The following CNTN5 variants were observed in gnomAD, a reference collection of about 807,000 sequenced individuals.
The protein encoded by CNTN5 is contactin-5.
CNTN5 carries 77 observed loss-of-function variants against 129.1 expected under a neutral mutation model. The observed-to-expected ratio is 0.60, with a 90% confidence interval of 0.50 to 0.72. CNTN5 has a LOEUF of 0.72. Among genes scored for constraint, CNTN5 ranks in the 30% least tolerant of loss-of-function variants. The pLI is 0.00. For synonymous variants in CNTN5, 509 were observed against 465.6 expected, an observed-to-expected ratio of 1.09 and a Z score of -1.20; for missense variants, 1,478 against 1,328.8, an observed-to-expected ratio of 1.11 and a Z score of -1.75.
At chr11:99,366,055 A>G (rs1390604006) in intron 2 of CNTN5, among the ~76,000 whole-genome samples, 3 of 152,190 alleles carry the variant, frequency 2.0e-5, no homozygotes, top group African/African-American at 4.8e-5. Context: ...CCAGCATCCC[A>G]TCCATCCTCA....
At chr11:100,240,860 T>C (rs1949726069) in intron 16 of CNTN5, among the ~76,000 whole-genome samples, 1 of 152,246 alleles carries the variant, frequency 6.6e-6, no homozygotes, top group Non-Finnish European at 1.5e-5. Context: ...TCAAATTTAC[T>C]CTGTGATAGG....
chr11:100,020,748 A>G (rs1941098120), intron 9 of CNTN5, among the ~76,000 whole-genome samples: 1 of 152,160 alleles, frequency 6.6e-6, no homozygotes, highest in South Asian at 2.1e-4. Context: ...CAAAATCAAC[A>G]GACAAAAATG....
intron 3 of CNTN5, among the ~76,000 whole-genome samples, chr11:99,813,835 G>A (rs1946501830): frequency 6.6e-6 from 1 of 152,042 alleles, no homozygotes; most frequent in Non-Finnish European, 1.5e-5. Flanking sequence ...GCAAAAAATG[G>A]TCCTTAAACT....
chr11:100,008,796 G>A (rs374363731), intron 9 of CNTN5, among the ~76,000 whole-genome samples: 3 of 151,992 alleles, frequency 2.0e-5, no homozygotes, highest in East Asian at 3.9e-4. Context: ...TTTGGCCCTT[G>A]ACATGATCTA....
intron 9 of CNTN5, among the ~76,000 whole-genome samples, chr11:100,041,209 C>G (rs1942360148): frequency 6.6e-6 from 1 of 152,134 alleles, no homozygotes; most frequent in African/African-American, 2.4e-5. Context: ...TATTTTTTAT[C>G]TCTCTTCCTT....
intron 1 of CNTN5, among the ~76,000 whole-genome samples, chr11:99,317,321 A>G (rs903263532): frequency 2.6e-5 from 4 of 152,130 alleles, no homozygotes; most frequent in Non-Finnish European, 4.4e-5. Context: ...GCCAAAAAGG[A>G]CTATAGGAGA....
chr11:99,290,849 G>T (rs370873548), intron 1 of CNTN5, among the ~76,000 whole-genome samples: 1 of 151,756 alleles, frequency 6.6e-6, no homozygotes, highest in East Asian at 1.9e-4. Context: ...TCTAACTTTT[G>T]CTGGTTTCAT....
In CNTN5 at chr11:100,117,093, A is replaced by C. The variant is rs112568735; in HGVS notation, c.1580+42799A>C. On this transcript the variant is annotated intron_variant, in intron 13 of 24. Transcript: ENST00000524871. ...AAAAATAAAATAAAAAATAAAAGCAAATACTGAAATAAGCATATGTTTCTT... is the reference window on the plus strand; with the variant it reads ...AAAAATAAAATAAAAAATAAAAGCACATACTGAAATAAGCATATGTTTCTT... Among the ~76,000 whole-genome samples the C allele has an allele frequency of 8.3e-3, 1,261 of 152,124 alleles. 17 individuals are homozygous for C. Among genetic ancestry groups the C allele is most frequent in the African/African-American group, 0.027 (1,128 of 41,538 alleles).
intron 3 of CNTN5, among the ~76,000 whole-genome samples, chr11:99,693,269 A>G (rs1411019129): frequency 6.6e-6 from 1 of 152,144 alleles, no homozygotes; most frequent in African/African-American, 2.4e-5. Context: ...AGAGGAAATA[A>G]TAGTCTTTAA....
intron 4 of CNTN5, among the ~76,000 whole-genome samples, chr11:99,820,501 A>C (rs911139032): frequency 3.3e-5 from 5 of 152,310 alleles, no homozygotes; most frequent in Admixed American, 6.5e-5. Flanking sequence ...TATTGGCTTT[A>C]TAGTTTGAAT....
At chr11:99,735,965 T>C (rs573607036) in intron 3 of CNTN5, among the ~76,000 whole-genome samples, 2 of 152,342 alleles carry the variant, frequency 1.3e-5, no homozygotes, top group African/African-American at 4.8e-5. Flanking sequence ...ACCACCGTTC[T>C]GCTCTGCTTC....
In CNTN5 at chr11:99,156,716, A is replaced by G. The variant is rs541677408; in HGVS notation, c.-210+135446A>G. 3.3e-5 allele frequency among the ~76,000 whole-genome samples: 5 copies of G among 152,102 alleles called. No homozygotes were observed. In the East Asian group the frequency reaches 9.6e-4, roughly 29 times the overall value. ...ATCCTGGCCTATCTGAGGATAATAT[A>G]TGCTTTGTCAATATTGTTCTTTTCA... is the stretch of plus-strand genomic sequence containing the variant. On this transcript the variant is annotated intron_variant, in intron 1 of 24. Transcript: ENST00000524871.
At chr11:99,028,218 T>C (rs1032510133) in intron 1 of CNTN5, among the ~76,000 whole-genome samples, 16 of 151,858 alleles carry the variant, frequency 1.1e-4, no homozygotes, top group Admixed American at 1.3e-4. Flanking sequence ...ACTGTGTTTG[T>C]TTGTTTCTCA....
chr11:99,564,498 A>G (rs1180895957), intron 3 of CNTN5, among the ~76,000 whole-genome samples: 1 of 152,162 alleles, frequency 6.6e-6, no homozygotes, highest in Non-Finnish European at 1.5e-5. Flanking sequence ...AGCTGAACGT[A>G]AAAAAACAAA....
chr11:99,257,141 A>C (rs1052192146), intron 1 of CNTN5, among the ~76,000 whole-genome samples: 1 of 152,142 alleles, frequency 6.6e-6, no homozygotes, highest in Non-Finnish European at 1.5e-5. Context: ...ACAGAACAAA[A>C]TCTGGGAGAA....
chr11:99,326,699 T>C (rs1265492195), intron 2 of CNTN5, among the ~76,000 whole-genome samples: 3 of 152,070 alleles, frequency 2.0e-5, no homozygotes, highest in Non-Finnish European at 4.4e-5. Context: ...ACCAGGTATC[T>C]CTAAATTAAT....
At chr11:99,306,159 G>A (rs1864866131) in intron 1 of CNTN5, among the ~76,000 whole-genome samples, 1 of 152,064 alleles carries the variant, frequency 6.6e-6, no homozygotes, top group Non-Finnish European at 1.5e-5. Context: ...CTGTCCTTTA[G>A]GACTTTAAGA....
At chr11:99,706,530 C>T (rs1382466141) in intron 3 of CNTN5, among the ~76,000 whole-genome samples, 2 of 151,446 alleles carry the variant, frequency 1.3e-5, no homozygotes, top group East Asian at 3.9e-4. Flanking sequence ...CTAAGTCACT[C>T]TCACTATCTC....
chr11:99,933,936 GCTTA>G (rs766681232), intron 7 of CNTN5, among the ~76,000 whole-genome samples: 50 of 152,108 alleles, frequency 3.3e-4, no homozygotes, highest in Non-Finnish European at 5.1e-4. Flanking sequence ...TATTATAGGT[GCTTA>G]CTTCATTTTC....
Sources: allele counts gnomAD v4.1 joint callset (sites outside exome capture counted in the v4.1 genomes callset), GRCh38; gene constraint gnomAD v4.1.1; transcripts MANE v1.5; gene names NCBI Gene and HGNC (gene_info 2026-07-23, HGNC 2026-07-21).